Variants in TXNRD2 observed in about 807,000 individuals in gnomAD.
TXNRD2 encodes thioredoxin reductase 2.
A neutral mutation model predicts 70.8 loss-of-function variants in TXNRD2; 67 were observed. That is an observed-to-expected ratio of 0.95 (90% CI 0.78 to 1.16). The LOEUF (loss-of-function observed/expected upper bound fraction) is 1.16. Among genes scored for constraint, TXNRD2 ranks in the 50% most tolerant of loss-of-function variants. The pLI is 0.00. For synonymous variants in TXNRD2, 301 were observed against 295.8 expected (o/e 1.02, Z -0.18); for missense variants, 644 against 719.9 (o/e 0.89, Z 1.21).
intron 8 of TXNRD2, chr22:19,910,861 G>C (rs1940375428): frequency 8.3e-6 from 2 of 241,618 alleles, no homozygotes; most frequent in Non-Finnish European, 1.6e-5. Context: ...GATCACCTGA[G>C]GTCAGGAGTT....
Position 19,884,971 on chromosome 22 carries a change from G to C in TXNRD2, c.950-1510C>G, listed in dbSNP as rs140352455. Among the ~76,000 whole-genome samples, 284 of 152,292 alleles carry C rather than the reference G, an allele frequency of 1.9e-3. 2 individuals are homozygous for C. The highest frequency in any genetic ancestry group is 6.1e-3 in the African/African-American group (255 of 41,568). Reference sequence around the variant, plus strand: ...CCAAACTACACCGTGCCCATTCTAGGGGGCAGCTGGCTCAGCTGATCCTGC... The same window carrying C: ...CCAAACTACACCGTGCCCATTCTAGCGGGCAGCTGGCTCAGCTGATCCTGC... On this transcript the variant is annotated intron_variant, in intron 11 of 17. Coordinates refer to ENST00000400521, the MANE Select transcript of TXNRD2 (RefSeq NM_006440.5).
chr22:19,932,519 G>C (rs144986667), intron 1 of TXNRD2: 158 of 1,560,926 alleles, frequency 1.0e-4, no homozygotes, highest in Middle Eastern at 3.4e-4. Context: ...AGGAAGTAGA[G>C]AGGGGAAGTA....
Position 19,918,840 on chromosome 22 carries a change from C to T in TXNRD2, c.374+20G>A, listed in dbSNP as rs1375808016. The T allele has an allele frequency of 6.2e-7, 1 of 1,603,856 alleles. No individual in the cohort carries two copies. The highest frequency in any genetic ancestry group is 8.5e-7 in the Non-Finnish European group (1 of 1,179,788). On this transcript the variant is annotated intron_variant, in intron 4 of 17. Transcript: ENST00000400521. The stretch of plus-strand genomic sequence containing the variant: ...AGAGTAGAAGAAAAGCACTGGAATG[C>T]CACGGCGCCAGATCCTTACCAGTCA...
intron 11 of TXNRD2, chr22:19,884,386 CAA>C (rs1413230099): frequency 1.3e-5 from 2 of 152,330 alleles, no homozygotes; most frequent in Non-Finnish European, 2.9e-5. Context: ...TCCCTGACAT[CAA>C]AGAGTGCTAA....
chr22:19,909,874 T>TCACACACACAACCACACACACCCTACA (rs1295818653), intron 8 of TXNRD2, among the ~76,000 whole-genome samples: 1 of 40,636 alleles, frequency 2.5e-5, no homozygotes. Flanking sequence ...CACACACCAC[T>TCACACACACAACCACACACACCCTACA]CACACACACC....
intron 2 of TXNRD2, among the ~76,000 whole-genome samples, chr22:19,923,508 T>G (rs1356408888): frequency 6.6e-6 from 1 of 152,152 alleles, no homozygotes; most frequent in Admixed American, 6.5e-5. Context: ...ACAAGCAGAC[T>G]GGGCGTGGTA....
intron 1 of TXNRD2, among the ~76,000 whole-genome samples, chr22:19,934,342 C>T (rs1941466153): frequency 6.8e-6 from 1 of 146,548 alleles, no homozygotes; most frequent in South Asian, 2.2e-4. Context: ...GATAGCACCA[C>T]TGCACTCCAG....
Position 19,877,212 on chromosome 22 carries a change from C to T in TXNRD2, c.1468G>A (p.Val490Met). The T allele has an allele frequency of 4.3e-6, 7 of 1,611,362 alleles. No homozygotes were observed. Among genetic ancestry groups the T allele is most frequent in the Middle Eastern group, 1.7e-4 (1 of 6,046 alleles). The change falls in exon 17 of 18, where the codon GTG (valine) becomes ATG (methionine). Residue 490 changes from valine (V) to methionine (M), a missense_variant. By Grantham distance (21) the Val-to-Met change is conservative. Coordinates refer to ENST00000400521, the MANE Select transcript of TXNRD2 (RefSeq NM_006440.5). ...GIKCGASYAQ[V>M]MRTVGIHPTC... ...GGATGGATACCCACGGTCCGCATCA[C>T]CTGCGCATAGGAAGCCCCACACCTG...
At chr22:19,933,400 T>C in intron 1 of TXNRD2, 1 of 1,265,830 alleles carries the variant, frequency 7.9e-7, no homozygotes, top group Non-Finnish European at 1.0e-6. Flanking sequence ...TCCAGCTGCC[T>C]GGTAGCCGGA....
At chr22:19,923,590 C>A (rs1296957117) in intron 2 of TXNRD2, among the ~76,000 whole-genome samples, 4 of 152,090 alleles carry the variant, frequency 2.6e-5, no homozygotes, top group Non-Finnish European at 5.9e-5. Flanking sequence ...AGTTCGAGAC[C>A]AGCCTGACCA....
Position 19,878,579 on chromosome 22 carries a change from G to A in TXNRD2, c.1276-142C>T. The A allele has an allele frequency of 4.8e-6, 4 of 839,996 alleles. No homozygotes were observed. The South Asian group carries it at 5.4e-5, about 11-fold the overall frequency. The allele number at this position is 839,996 out of a possible 1,614,324, so 52.0% of individuals were successfully genotyped here. ...TGGCCTGAAGGTCTGGTCTGGGATG[G>A]GGATGAGGGCTTGGCTGGCCACGGG... On this transcript the variant is annotated intron_variant, in intron 14 of 17. Transcript: ENST00000400521.
chr22:19,900,635 A>C (rs1408817293), intron 8 of TXNRD2, among the ~76,000 whole-genome samples: 1 of 152,136 alleles, frequency 6.6e-6, no homozygotes, highest in African/African-American at 2.4e-5. Flanking sequence ...CTGTAGTCCC[A>C]GCTGCTGGGG....
Position 19,877,171 on chromosome 22 carries a change from C to G in TXNRD2, c.1509G>C (p.Glu503Asp). ...TVGIHPTCSE[E>D]VVKLRISKRS... Reference sequence around the variant, plus strand: ...GCTTGGAGATGCGCAGCTTGACTACCTCCTCAGAGCATGTGGGATGGATAC... The same window carrying G: ...GCTTGGAGATGCGCAGCTTGACTACGTCCTCAGAGCATGTGGGATGGATAC... The change falls in exon 17 of 18, where the codon GAG becomes GAC. Residue 503 changes from glutamate to aspartate, a missense_variant. Around this residue, in one of 3 missense-constraint regions of TXNRD2, gnomAD observed 566 missense variants for 645.0 expected, o/e 0.88. Transcript: ENST00000400521. 1 of 1,610,812 alleles carries G rather than the reference C, an allele frequency of 6.2e-7. No individual in the cohort carries two copies. The highest frequency in any genetic ancestry group is 8.5e-7 in the Non-Finnish European group (1 of 1,178,020).
rs35669821 is a variant in TXNRD2, at chr22:19,934,382, GAAA to G, written c.104-3287_104-3285del. Among the ~76,000 whole-genome samples the G allele has an allele frequency of 7.2e-3, 678 of 93,738 alleles. 8 individuals carry two copies. The highest frequency in any genetic ancestry group is 0.056 in the Middle Eastern group (8 of 144). The allele number at this position is 93,738 out of a possible 152,430, so 61.5% of individuals were successfully genotyped here. ...GTTAACAGAGTGAGACTCTGTCTCA[GAAA>G]AAAAAAAAAAAAAAAACTGCACCCC... On this transcript the variant is annotated intron_variant, in intron 1 of 17. Coordinates refer to ENST00000400521, the MANE Select transcript of TXNRD2 (RefSeq NM_006440.5).
chr22:19,909,567 T>TACACACACCATTC (rs1555911477), intron 8 of TXNRD2, among the ~76,000 whole-genome samples: 5 of 95,072 alleles, frequency 5.3e-5, no homozygotes, highest in Admixed American at 1.1e-4. Flanking sequence ...ACTACTCACA[T>TACACACACCATTC]ACACACACCA....
rs885987 is a variant in TXNRD2, at chr22:19,911,314, A to G, written c.662+63T>C. 790,431 of 1,310,984 alleles carry G rather than the reference A, an allele frequency of 0.6. 244,987 individuals carry two copies. Among genetic ancestry groups the G allele is most frequent in the East Asian group, 0.91 (39,631 of 43,364 alleles). The allele number at this position is 1,310,984 out of a possible 1,614,324, so 81.2% of individuals were successfully genotyped here. The stretch of plus-strand genomic sequence containing the variant: ...GGAGCCCAGCACCAGCACAGGCTCT[A>G]AGGGTCCAGTGCTCACTCTGGTGAA... On this transcript the variant is annotated intron_variant, in intron 8 of 17. Coordinates refer to ENST00000400521, the MANE Select transcript of TXNRD2 (RefSeq NM_006440.5).
At chr22:19,890,198 G>A (rs902218070) in intron 11 of TXNRD2, among the ~76,000 whole-genome samples, 5 of 152,304 alleles carry the variant, frequency 3.3e-5, no homozygotes, top group African/African-American at 7.2e-5. Flanking sequence ...AGCAGCGCAC[G>A]CCCGGGGCCA....
chr22:19,935,904 G>T (rs975158158), intron 1 of TXNRD2, among the ~76,000 whole-genome samples: 14 of 152,190 alleles, frequency 9.2e-5, no homozygotes, highest in Non-Finnish European at 1.5e-5. Context: ...CGATTGGTGA[G>T]TTGTCTGTGT....
At chr22:19,941,109 C>G (rs138696259) in intron 1 of TXNRD2, among the ~76,000 whole-genome samples, 1,692 of 152,302 alleles carry the variant, frequency 0.011, 21 homozygotes, top group African/African-American at 0.037. Flanking sequence ...TGGAATGAAA[C>G]TGGCCACACA....
Sources: allele counts gnomAD v4.1 joint callset (sites outside exome capture counted in the v4.1 genomes callset), GRCh38; gene constraint gnomAD v4.1.1; regional missense constraint gnomAD v4.1.1; transcripts MANE v1.5; gene names NCBI Gene and HGNC (gene_info 2026-07-23, HGNC 2026-07-21).